CDH13: variants seen among roughly 807,000 people sequenced by gnomAD.
The protein encoded by CDH13 is cadherin 13.
Under a neutral mutation model 63.8 loss-of-function variants are expected in CDH13, and 24 were observed. That is an observed-to-expected ratio of 0.38 (90% CI 0.27 to 0.53). The LOEUF is 0.53. CDH13 is among the 20% of genes least tolerant of loss of function. CDH13 has a pLI of 0.85. For missense variants in CDH13, 1,049 were observed against 903.1 expected (o/e 1.16, Z -2.07); for synonymous variants, 503 against 355.3 (o/e 1.42, Z -4.67).
At chr16:82,901,187 C>T (rs889683227) in intron 2 of CDH13, among the ~76,000 whole-genome samples, 3 of 151,500 alleles carry the variant, frequency 2.0e-5, no homozygotes, top group Non-Finnish European at 2.9e-5. Flanking sequence ...TTTTGACCTT[C>T]TGCTGACACT....
At chr16:83,646,712 A>AAAAAAAACACACACAC (rs1168012793) in intron 8 of CDH13, among the ~76,000 whole-genome samples, 4 of 80,484 alleles carry the variant, frequency 5.0e-5, no homozygotes, top group Non-Finnish European at 4.9e-5. Flanking sequence ...AAAAAAAAAA[A>AAAAAAAACACACACAC]ACACACACAC....
intron 4 of CDH13, among the ~76,000 whole-genome samples, chr16:83,145,992 G>A (rs1046726082): frequency 7.2e-5 from 11 of 152,018 alleles, no homozygotes; most frequent in South Asian, 2.1e-4. Context: ...TCGGGAGTTC[G>A]GGACCAACCT....
chr16:83,718,871 C>T (rs562783593), intron 10 of CDH13, among the ~76,000 whole-genome samples: 2 of 152,288 alleles, frequency 1.3e-5, no homozygotes, highest in African/African-American at 2.4e-5. Flanking sequence ...AGCAAGGGAG[C>T]TGAGGTATAA....
chr16:82,645,639 C>T (rs1910001395), intron 1 of CDH13, among the ~76,000 whole-genome samples: 1 of 152,200 alleles, frequency 6.6e-6, no homozygotes, highest in Non-Finnish European at 1.5e-5. Context: ...GCTTCATACT[C>T]ACCCAGCACA....
intron 3 of CDH13, among the ~76,000 whole-genome samples, chr16:83,069,719 C>G (rs909410189): frequency 6.6e-6 from 1 of 152,250 alleles, no homozygotes; most frequent in South Asian, 2.1e-4. Context: ...TTGGCTCTCC[C>G]CAAAGGCTCA....
At chr16:83,610,185 A>G (rs12445729) in intron 8 of CDH13, among the ~76,000 whole-genome samples, 3 of 151,884 alleles carry the variant, frequency 2.0e-5, no homozygotes, top group African/African-American at 7.3e-5. Context: ...CATTCATGTA[A>G]AAGTCATTAA....
chr16:82,914,062 G>A (rs1399407275), intron 2 of CDH13, among the ~76,000 whole-genome samples: 1 of 151,964 alleles, frequency 6.6e-6, no homozygotes, highest in Non-Finnish European at 1.5e-5. Context: ...GGATGAGGGT[G>A]GGCATGGAGC....
chr16:83,363,514 G>C (rs1438953933), intron 6 of CDH13, among the ~76,000 whole-genome samples: 1 of 152,144 alleles, frequency 6.6e-6, no homozygotes, highest in Admixed American at 6.5e-5. Flanking sequence ...CATTTCCCAA[G>C]CTTTTATTAT....
chr16:83,135,179 T>A (rs2151664248), intron 4 of CDH13, among the ~76,000 whole-genome samples: 1 of 152,272 alleles, frequency 6.6e-6, no homozygotes, highest in South Asian at 2.1e-4. Context: ...CCCTATAAAG[T>A]AGGCAATCCT....
At chr16:83,324,363 C>T (rs955269733) in intron 5 of CDH13, among the ~76,000 whole-genome samples, 1 of 152,210 alleles carries the variant, frequency 6.6e-6, no homozygotes, top group Non-Finnish European at 1.5e-5. Flanking sequence ...ACATTGTCTT[C>T]ACCTCAAAAG....
chr16:83,045,545 G>A (rs532167518), intron 3 of CDH13, among the ~76,000 whole-genome samples: 3 of 150,686 alleles, frequency 2.0e-5, no homozygotes, highest in South Asian at 4.2e-4. Context: ...GCTGAGGCAG[G>A]AGAATCGCTC....
intron 4 of CDH13, among the ~76,000 whole-genome samples, chr16:83,134,172 G>C (rs552911570): frequency 4.6e-5 from 7 of 152,208 alleles, no homozygotes; most frequent in South Asian, 2.1e-4. Flanking sequence ...ATTATGTCAG[G>C]TCATATAAGC....
At chr16:83,264,927 A>T (rs1255410956) in intron 5 of CDH13, among the ~76,000 whole-genome samples, 1 of 152,214 alleles carries the variant, frequency 6.6e-6, no homozygotes, top group South Asian at 2.1e-4. Flanking sequence ...TTGTGGCTAT[A>T]AGAATCTGCT....
chr16:83,298,318 C>T (rs972184448), intron 5 of CDH13, among the ~76,000 whole-genome samples: 5 of 152,036 alleles, frequency 3.3e-5, no homozygotes, highest in African/African-American at 9.7e-5. Context: ...GAGGGAACAT[C>T]AGTGCAGGTA....
chr16:83,467,557 G>A (rs77111817), intron 6 of CDH13, among the ~76,000 whole-genome samples: 6 of 152,132 alleles, frequency 3.9e-5, no homozygotes, highest in Non-Finnish European at 7.3e-5. Context: ...ACTGGCAACC[G>A]CTTCGTGCAG....
chr16:83,618,083 T>C (rs1411751073), intron 8 of CDH13, among the ~76,000 whole-genome samples: 1 of 152,156 alleles, frequency 6.6e-6, no homozygotes, highest in Non-Finnish European at 1.5e-5. Flanking sequence ...GAATAAATGG[T>C]CGATGCTTGA....
intron 6 of CDH13, among the ~76,000 whole-genome samples, chr16:83,456,495 G>C (rs1401843831): frequency 6.6e-6 from 1 of 152,228 alleles, no homozygotes; most frequent in Non-Finnish European, 1.5e-5. Context: ...CTGGGTTCAG[G>C]GGAGGGGACT....
intron 7 of CDH13, among the ~76,000 whole-genome samples, chr16:83,542,390 G>A (rs900728358): frequency 6.6e-6 from 1 of 152,162 alleles, no homozygotes; most frequent in Non-Finnish European, 1.5e-5. Flanking sequence ...TGGGTGTTAG[G>A]TGCGTATCAC....
At chr16:83,454,966 TC>T (rs1368138022) in intron 6 of CDH13, among the ~76,000 whole-genome samples, 1 of 152,162 alleles carries the variant, frequency 6.6e-6, no homozygotes, top group African/African-American at 2.4e-5. Context: ...CGCCTCAGCC[TC>T]CCAAAGTGCT....
Sources: allele counts gnomAD v4.1 joint callset (sites outside exome capture counted in the v4.1 genomes callset), GRCh38; gene constraint gnomAD v4.1.1; transcripts MANE v1.5; gene names NCBI Gene and HGNC (gene_info 2026-07-23, HGNC 2026-07-21).